DYSF: variants seen among roughly 807,000 people sequenced by gnomAD.
The protein encoded by DYSF is dystrophy-associated fer-1-like 1.
A neutral mutation model predicts 274.9 loss-of-function variants in DYSF; 212 were observed. The ratio of observed to expected loss-of-function variants is 0.77; its 90% CI spans 0.69 to 0.86. DYSF has a LOEUF of 0.86. DYSF is among the 40% of genes least tolerant of loss of function. DYSF has a pLI of 0.00. For missense variants in DYSF, 2,666 were observed against 2,783.2 expected (o/e 0.96, Z 0.95); for synonymous variants, 1,091 against 1,078.7 (o/e 1.01, Z -0.22).
Position 71,570,740 on chromosome 2 carries a change from G to C in DYSF, c.3227G>C (p.Arg1076Thr), listed in dbSNP as rs1387342780. The change falls in exon 29 of 56, where the codon AGG becomes ACG. Residue 1076 changes from arginine (R) to threonine (T), a missense_variant and splice_region_variant. Around this residue, in one of 3 missense-constraint regions of DYSF, gnomAD observed 1,460 missense variants for 1,502.1 expected, o/e 0.97. Transcript: ENST00000410020. ...RDLSQMEALK[R>T]HRQAEAEGEG... The stretch of plus-strand genomic sequence containing the variant: ...CTCAGCCAAATGGAAGCACTGAAAA[G>C]GGTGAGCCAGCAGGTGGTGGGTGGG... The C allele has an allele frequency of 1.9e-6, 3 of 1,613,596 alleles. No individual in the cohort carries two copies. Among genetic ancestry groups the C allele is most frequent in the East Asian group, 4.5e-5 (2 of 44,892 alleles).
At position 71,487,631 on chromosome 2, in the gene DYSF, C is replaced by T. The variant is rs193026773; in HGVS notation, c.239+5661C>T. Reference sequence around the variant, plus strand: ...TCAAGCGATTCTCCTGTCTCAGCCTCCCGAGTAGCTGGGATTACAGGTGCC... The same window carrying T: ...TCAAGCGATTCTCCTGTCTCAGCCTTCCGAGTAGCTGGGATTACAGGTGCC... On this transcript the variant is annotated intron_variant, in intron 3 of 55. Coordinates refer to ENST00000410020, the MANE Select transcript of DYSF (RefSeq NM_001130987.2). 5.3e-3 allele frequency among the ~76,000 whole-genome samples: 803 copies of T among 152,298 alleles called. 13 individuals carry two copies. The highest frequency in any genetic ancestry group is 0.018 in the African/African-American group (760 of 41,534).
At chr2:71,648,775 T>G (rs916845941) in intron 42 of DYSF, among the ~76,000 whole-genome samples, 1 of 152,176 alleles carries the variant, frequency 6.6e-6, no homozygotes, top group Admixed American at 6.5e-5. Flanking sequence ...ATTAAGTCAT[T>G]TAAAATAGGA....
At position 71,667,549 on chromosome 2, in the gene DYSF, G is replaced by A. The variant is rs749497545; in HGVS notation, c.5457+34G>A. On this transcript the variant is annotated intron_variant, in intron 48 of 55. Coordinates refer to ENST00000410020, the MANE Select transcript of DYSF (RefSeq NM_001130987.2). ...TTGACCCTTGGGTCCCAGAGTCCTCGAACTCCAGAAAGCCCCAACCCCAGG... is the reference window on the plus strand; with the variant it reads ...TTGACCCTTGGGTCCCAGAGTCCTCAAACTCCAGAAAGCCCCAACCCCAGG... The A allele has an allele frequency of 8.7e-6, 14 of 1,613,026 alleles. 2 individuals are homozygous for A. Among genetic ancestry groups the A allele is most frequent in the Non-Finnish European group, 1.1e-5 (13 of 1,179,616 alleles).
chr2:71,683,989 A>G (rs1023134393), intron 55 of DYSF, among the ~76,000 whole-genome samples: 1 of 152,242 alleles, frequency 6.6e-6, no homozygotes, highest in Non-Finnish European at 1.5e-5. Flanking sequence ...CGGACCAGCT[A>G]CCATCTGGGC....
chr2:71,589,811 G>T, intron 31 of DYSF, 125 bp downstream of exon 31: 1 of 967,060 alleles, frequency 1.0e-6, no homozygotes, highest in Non-Finnish European at 1.7e-6. Context: ...TGTGCTTTTT[G>T]GTGGGTCAGT....
upstream of DYSF, among the ~76,000 whole-genome samples, chr2:71,463,294 C>T (rs1247355600): frequency 6.6e-6 from 1 of 152,218 alleles, no homozygotes; most frequent in Non-Finnish European, 1.5e-5. Context: ...CACAACTTTG[C>T]TCCACCCTGG....
chr2:71,513,709 C>T lies in DYSF; in HGVS notation c.554-7C>T, dbSNP rs2152731653. 6.2e-7 allele frequency: 1 copy of T among 1,613,706 alleles called. No homozygotes were observed. The highest frequency in any genetic ancestry group is 8.5e-7 in the Non-Finnish European group (1 of 1,179,894). On this transcript the variant is annotated splice_polypyrimidine_tract_variant and splice_region_variant and intron_variant, in intron 6 of 55. Transcript: ENST00000410020. Reference sequence around the variant, plus strand: ...ATCCAGGCCTCATTAGGGCCCTCTCCTCTTAGACACAGGAGGAGAGGAAGA... The same window carrying T: ...ATCCAGGCCTCATTAGGGCCCTCTCTTCTTAGACACAGGAGGAGAGGAAGA...
chr2:71,681,444 T>C (rs1384182559), intron 54 of DYSF, among the ~76,000 whole-genome samples: 1 of 152,226 alleles, frequency 6.6e-6, no homozygotes, highest in Non-Finnish European at 1.5e-5. Context: ...AGGAACAATC[T>C]CAGCAAAGTT....
chr2:71,679,134 G>A lies in DYSF; in HGVS notation c.5962G>A (p.Asp1988Asn), dbSNP rs1275290567. The change falls in exon 53 of 56, where the codon GAT becomes AAT. Residue 1988 changes from aspartate (D) to asparagine (N), a missense_variant. Physicochemically the swap from Asp to Asn is conservative, Grantham distance 23. Around this residue, in one of 3 missense-constraint regions of DYSF, gnomAD observed 1,460 missense variants for 1,502.1 expected, o/e 0.97. Transcript: ENST00000410020. Reference sequence around the variant, plus strand: ...GAAGTGCTCCTTGGACCAGCTGGATGATGCTTTCCACCCAGAATGGTTTGT... The same window carrying A: ...GAAGTGCTCCTTGGACCAGCTGGATAATGCTTTCCACCCAGAATGGTTTGT... ...AKKCSLDQLD[D>N]AFHPEWFVSL... 2 of 1,614,086 alleles carry A rather than the reference G, an allele frequency of 1.2e-6. No individual in the cohort carries two copies. Among genetic ancestry groups the A allele is most frequent in the Non-Finnish European group, 1.7e-6 (2 of 1,179,964 alleles).
intron 14 of DYSF, among the ~76,000 whole-genome samples, chr2:71,530,748 G>A (rs1025620513): frequency 2.0e-5 from 3 of 152,100 alleles, no homozygotes; most frequent in Non-Finnish European, 2.9e-5. Flanking sequence ...TCCTTGTGGC[G>A]TCCCCGCTTC....
At position 71,615,316 on chromosome 2, in the gene DYSF, C is replaced by G. The variant is rs1034494209; in HGVS notation, c.4464+1906C>G. 3.3e-5 allele frequency among the ~76,000 whole-genome samples: 5 copies of G among 152,068 alleles called. No individual in the cohort carries two copies. The highest frequency in any genetic ancestry group is 7.2e-5 in the African/African-American group (3 of 41,428). On this transcript the variant is annotated intron_variant, in intron 40 of 55. Coordinates refer to ENST00000410020, the MANE Select transcript of DYSF (RefSeq NM_001130987.2). The surrounding 1 kb of genome is among the most constrained non-coding windows in gnomAD (Gnocchi z 4.9). ...AGCACTGGTGGGAGCTGGGATGGGG[C>G]TCCTGGAGGTGTACCCACCTGGGGA...
At chr2:71,596,872 C>T (rs2093420827) in intron 32 of DYSF, among the ~76,000 whole-genome samples, 1 of 152,186 alleles carries the variant, frequency 6.6e-6, no homozygotes, top group Non-Finnish European at 1.5e-5. Flanking sequence ...ATGGCTGAGT[C>T]CGCCCCTTAA....
At chr2:71,469,679 T>A (rs929171110) in intron 1 of DYSF, among the ~76,000 whole-genome samples, 1 of 152,192 alleles carries the variant, frequency 6.6e-6, no homozygotes, top group African/African-American at 2.4e-5. Context: ...GAGGGCAATT[T>A]TTTGGCTTCC....
In DYSF at chr2:71,685,244, A is replaced by G. The variant is rs138266981; in HGVS notation, c.6322-1210A>G. 8.8e-3 allele frequency among the ~76,000 whole-genome samples: 1,338 copies of G among 152,278 alleles called. 11 individuals are homozygous for G. The highest frequency in any genetic ancestry group is 0.024 in the Middle Eastern group (7 of 294). ...GCTCCTCCCTGTCTCCTGTCCCCCC[A>G]GCAGCGGGCCACTCTCCTTTGAGTT... On this transcript the variant is annotated intron_variant, in intron 55 of 55. Transcript: ENST00000410020.
chr2:71,640,718 C>G (rs1018762789), intron 41 of DYSF, among the ~76,000 whole-genome samples: 12 of 150,218 alleles, frequency 8.0e-5, no homozygotes, highest in Non-Finnish European at 1.8e-4. Context: ...CTTTATGTCT[C>G]TCTTCAGGAA....
At chr2:71,530,271 G>A (rs1300391445) in intron 14 of DYSF, among the ~76,000 whole-genome samples, 1 of 152,236 alleles carries the variant, frequency 6.6e-6, no homozygotes, top group Non-Finnish European at 1.5e-5. Context: ...GACACTTGGG[G>A]GAATTCACGT....
Position 71,553,838 on chromosome 2 carries a change from C to G in DYSF, c.2016C>G (p.Asn672Lys), listed in dbSNP as rs199565036. Residue 672 changes from asparagine (N) to lysine (K), a missense_variant, in exon 21 of 56, where the codon AAC becomes AAG. Transcript: ENST00000410020. Reference sequence around the variant, plus strand: ...ACTACTACTACCTACCCTGGGGTAACGTGAAACCTGTGGTGGTGCTGTCAT... The same window carrying G: ...ACTACTACTACCTACCCTGGGGTAAGGTGAAACCTGTGGTGGTGCTGTCAT... Reference protein sequence around the residue: ...GCHYYYLPWGNVKPVVVLSSY... With the variant: ...GCHYYYLPWGKVKPVVVLSSY... 1.9e-6 allele frequency: 3 copies of G among 1,547,100 alleles called. No individual in the cohort carries two copies. The highest frequency in any genetic ancestry group is 2.8e-5 in the African/African-American group (2 of 71,756).
At chr2:71,589,463 A>G in intron 30 of DYSF, 130 bp from the exon 31 acceptor site, 7 of 751,030 alleles carry the variant, frequency 9.3e-6, no homozygotes, top group Admixed American at 1.9e-5. Context: ...GAATGAAATT[A>G]GAGGCTGAGA....
intron 12 of DYSF, among the ~76,000 whole-genome samples, chr2:71,521,949 C>A (rs1023178894): frequency 1.3e-5 from 2 of 152,112 alleles, no homozygotes; most frequent in African/African-American, 4.8e-5. Flanking sequence ...GGTGAGAGCT[C>A]TGGGAGCTCC....
Sources: allele counts gnomAD v4.1 joint callset (sites outside exome capture counted in the v4.1 genomes callset), GRCh38; gene constraint gnomAD v4.1.1; regional missense constraint gnomAD v4.1.1; non-coding constraint Gnocchi (gnomAD v3.1); transcripts MANE v1.5; gene names NCBI Gene and HGNC (gene_info 2026-07-23, HGNC 2026-07-21).